The following VAC14 variants were observed in gnomAD, a reference collection of about 807,000 sequenced individuals.
The protein encoded by VAC14 is protein VAC14 homolog.
Under a neutral mutation model 85.3 loss-of-function variants are expected in VAC14, and 47 were observed. The observed-to-expected ratio is 0.55, with a 90% confidence interval of 0.44 to 0.70. VAC14 has a LOEUF of 0.70. Among genes scored for constraint, VAC14 ranks in the 30% least tolerant of loss-of-function variants. The probability of loss-of-function intolerance (pLI) is 0.00; values close to 1 mark genes in which losing one functional copy is unlikely to be tolerated. For synonymous variants in VAC14, 447 were observed against 430.5 expected (o/e 1.04, Z -0.47); for missense variants, 861 against 1,004.3 (o/e 0.86, Z 1.93).
chr16:70,753,198 G>T (rs1053103081), intron 12 of VAC14, among the ~76,000 whole-genome samples: 9 of 152,226 alleles, frequency 5.9e-5, no homozygotes, highest in Admixed American at 2.0e-4. Context: ...GATGAACTAA[G>T]ATCACTCACA....
intron 10 of VAC14, chr16:70,766,336 T>C: frequency 7.9e-6 from 3 of 379,752 alleles, no homozygotes; most frequent in South Asian, 5.8e-5. Flanking sequence ...GTGGGGCCTC[T>C]CCTGCAAGTG....
intron 18 of VAC14, chr16:70,689,205 G>A: frequency 1.0e-6 from 1 of 981,376 alleles, no homozygotes; most frequent in Non-Finnish European, 1.2e-6. Flanking sequence ...TACCTAAGGA[G>A]CGGCCCTGGG....
chr16:70,707,680 G>A (rs1041938259), intron 14 of VAC14, among the ~76,000 whole-genome samples: 26 of 152,142 alleles, frequency 1.7e-4, no homozygotes, highest in African/African-American at 6.0e-4. Context: ...GTTGACTCCC[G>A]CTTTCTGAAC....
At chr16:70,737,597 C>T (rs2054800170) in intron 13 of VAC14, among the ~76,000 whole-genome samples, 2 of 152,234 alleles carry the variant, frequency 1.3e-5, no homozygotes, top group South Asian at 2.1e-4. Flanking sequence ...ACGTGACCGG[C>T]GGCTGGCCAG....
At chr16:70,789,837 C>T (rs374753987) in intron 1 of VAC14, among the ~76,000 whole-genome samples, 1 of 152,204 alleles carries the variant, frequency 6.6e-6, no homozygotes, top group South Asian at 2.1e-4. Flanking sequence ...GAAGCCAGGA[C>T]ATGTTTCCGC....
intron 9 of VAC14, among the ~76,000 whole-genome samples, chr16:70,776,536 G>C (rs1380424317): frequency 6.6e-6 from 1 of 152,052 alleles, no homozygotes; most frequent in Non-Finnish European, 1.5e-5. Flanking sequence ...AAAATACATT[G>C]CAAATATCTT....
At chr16:70,704,846 G>A (rs1184747353) in intron 14 of VAC14, among the ~76,000 whole-genome samples, 1 of 152,202 alleles carries the variant, frequency 6.6e-6, no homozygotes, top group African/African-American at 2.4e-5. Context: ...GTCTCCTTGT[G>A]GGGAGCTGAC....
At chr16:70,771,825 C>A in intron 10 of VAC14, 2 of 351,212 alleles carry the variant, frequency 5.7e-6, no homozygotes, top group South Asian at 1.0e-4. Context: ...AAGCGATGTG[C>A]CTGCCTTGGC....
In VAC14 at chr16:70,717,702, C is replaced by G. The variant is rs181880350; in HGVS notation, c.1661+13793G>C. Among the ~76,000 whole-genome samples, 35 of 152,266 alleles carry G rather than the reference C, an allele frequency of 2.3e-4. 1 individual carries two copies. Among genetic ancestry groups the G allele is most frequent in the African/African-American group, 8.4e-4 (35 of 41,562 alleles). ...ACAGGGTCTCACTCTGTCACCCAGG[C>G]TGGAGTGCAGTGGCACGATCTCAGC... is the stretch of plus-strand genomic sequence containing the variant. On this transcript the variant is annotated intron_variant, in intron 14 of 18. Transcript: ENST00000261776.
intron 14 of VAC14, among the ~76,000 whole-genome samples, chr16:70,711,813 T>A (rs940121210): frequency 3.3e-5 from 5 of 152,206 alleles, no homozygotes; most frequent in African/African-American, 1.2e-4. Context: ...GCTTTATAAG[T>A]GCCCACTTAA....
intron 14 of VAC14, among the ~76,000 whole-genome samples, chr16:70,710,770 C>T (rs1314415963): frequency 2.0e-5 from 3 of 152,386 alleles, no homozygotes; most frequent in South Asian, 4.1e-4. Context: ...AACTTGGGTC[C>T]AGCAGCCCCA....
rs746393516 is a variant in VAC14 at position 70,784,133 on chromosome 16, G to A, written c.574C>T (p.Arg192Trp). The change falls in exon 5 of 19, where the codon CGG becomes TGG. Residue 192 changes from arginine to tryptophan, a missense_variant. Transcript: ENST00000261776. ...ERIYSNNQYA[R>W]QFIISWILVL... ...CTTACCCAGGAGATGATGAACTGCC[G>A]GGCATACTGGTTGTTGGAGTAAATC... 8.1e-6 allele frequency: 13 copies of A among 1,614,022 alleles called. No individual in the cohort carries two copies. Among genetic ancestry groups the A allele is most frequent in the East Asian group, 2.2e-5 (1 of 44,900 alleles).
chr16:70,732,327 T>C (rs957514147), intron 13 of VAC14, among the ~76,000 whole-genome samples: 3 of 152,200 alleles, frequency 2.0e-5, no homozygotes, highest in Non-Finnish European at 2.9e-5. Context: ...CTGAAAACTT[T>C]CAAAGCCTGA....
chr16:70,756,025 C>A (rs746668114), intron 12 of VAC14: 5 of 456,650 alleles, frequency 1.1e-5, no homozygotes, highest in Non-Finnish European at 2.2e-5. Context: ...GGCAGATGAG[C>A]CCTGGGACCC....
chr16:70,786,194 T>C (rs767022186), intron 2 of VAC14, 21 bp downstream of exon 2: 3 of 1,612,354 alleles, frequency 1.9e-6, no homozygotes, highest in South Asian at 1.1e-5. Context: ...GGTATGTCTG[T>C]CCCTTGGGTG....
rs190990807 is a variant in VAC14, at chr16:70,714,378, G to C, written c.1662-15567C>G. ...TGAGAAACCAATTACTATGCTACTGGGGGGCCCAGGAGAAGCAGAAGGAAC... is the reference window on the plus strand; with the variant it reads ...TGAGAAACCAATTACTATGCTACTGCGGGGCCCAGGAGAAGCAGAAGGAAC... On this transcript the variant is annotated intron_variant, in intron 14 of 18. Coordinates refer to ENST00000261776, the MANE Select transcript of VAC14 (RefSeq NM_018052.5). The C allele has an allele frequency of 5.7e-3, 866 of 152,318 alleles. 4 individuals carry two copies. Among genetic ancestry groups the C allele is most frequent in the Non-Finnish European group, 9.9e-3 (673 of 68,038 alleles). 9.4% of individuals were successfully genotyped at this position (152,318 alleles called of 1,614,324 possible).
intron 9 of VAC14, among the ~76,000 whole-genome samples, chr16:70,776,871 G>T (rs1368744813): frequency 6.9e-6 from 1 of 145,828 alleles, no homozygotes; most frequent in Non-Finnish European, 1.5e-5. Flanking sequence ...GCAGTGGTGT[G>T]ATCTCGGCTC....
chr16:70,763,699 C>T (rs1189659604), intron 10 of VAC14, among the ~76,000 whole-genome samples: 1 of 152,208 alleles, frequency 6.6e-6, no homozygotes, highest in African/African-American at 2.4e-5. Context: ...CAGCCTCTGC[C>T]TATGAGAAAC....
intron 14 of VAC14, among the ~76,000 whole-genome samples, chr16:70,723,499 C>T (rs2054347337): frequency 1.3e-5 from 2 of 152,214 alleles, no homozygotes; most frequent in Admixed American, 6.5e-5. Context: ...TTATGGTACA[C>T]ATTAGCTACT....
Sources: allele counts gnomAD v4.1 joint callset (sites outside exome capture counted in the v4.1 genomes callset), GRCh38; gene constraint gnomAD v4.1.1; transcripts MANE v1.5; gene names NCBI Gene and HGNC (gene_info 2026-07-23, HGNC 2026-07-21).